The following PLEKHA7 variants were observed in gnomAD, a reference collection of about 807,000 sequenced individuals.
The protein encoded by PLEKHA7 is pleckstrin homology domain-containing family A member 7.
PLEKHA7 carries 104 observed loss-of-function variants against 170.0 expected under a neutral mutation model. That is an observed-to-expected ratio of 0.61 (90% CI 0.52 to 0.72). The LOEUF is 0.72. PLEKHA7 is among the 30% of genes least tolerant of loss of function. The pLI is 0.00. For missense variants in PLEKHA7, 1,615 were observed against 1,671.7 expected, an observed-to-expected ratio of 0.97 and a Z score of 0.59; for synonymous variants, 648 against 660.8, an observed-to-expected ratio of 0.98 and a Z score of 0.30.
At position 16,968,184 on chromosome 11, in the gene PLEKHA7, C is replaced by T. The variant is rs116444193; in HGVS notation, c.221+45805G>A. Among the ~76,000 whole-genome samples the T allele has an allele frequency of 5.5e-3, 831 of 152,272 alleles. 14 individuals are homozygous for T. The highest frequency in any genetic ancestry group is 0.019 in the African/African-American group (770 of 41,558). ...CCAAGATCCTGAGGGGTTTGGCAAA[C>T]GTACCTTGAAGTGAGGAGGCCTCAC... On this transcript the variant is annotated intron_variant, in intron 3 of 26. Transcript: ENST00000531066.
intron 10 of PLEKHA7, among the ~76,000 whole-genome samples, chr11:16,822,877 C>T (rs1445389443): frequency 6.6e-6 from 1 of 152,192 alleles, no homozygotes; most frequent in East Asian, 1.9e-4. Flanking sequence ...GGGACCAAGG[C>T]CTCACCAAAT....
At chr11:16,944,264 G>C (rs1338220864) in intron 3 of PLEKHA7, among the ~76,000 whole-genome samples, 1 of 152,094 alleles carries the variant, frequency 6.6e-6, no homozygotes, top group African/African-American at 2.4e-5. Context: ...TGAGGCAGGA[G>C]AATTGCTTGA....
At position 16,944,369 on chromosome 11, in the gene PLEKHA7, G is replaced by A. The variant is rs953651616; in HGVS notation, c.221+69620C>T. On this transcript the variant is annotated intron_variant, in intron 3 of 26. Transcript: ENST00000531066. Reference sequence around the variant, plus strand: ...AACTCCGTCTCCCAAAAAATAAGCCGGGCGCGGTGGCACAGACCTGTAATC... The same window carrying A: ...AACTCCGTCTCCCAAAAAATAAGCCAGGCGCGGTGGCACAGACCTGTAATC... 6.6e-5 allele frequency among the ~76,000 whole-genome samples: 10 copies of A among 150,420 alleles called. 1 individual carries two copies. The highest frequency in any genetic ancestry group is 2.7e-4 in the Admixed American group (4 of 15,052).
At chr11:17,007,070 C>T (rs1865043637) in intron 3 of PLEKHA7, among the ~76,000 whole-genome samples, 1 of 152,220 alleles carries the variant, frequency 6.6e-6, no homozygotes, top group Admixed American at 6.5e-5. Context: ...ACTGCCCACT[C>T]CCAGCCTCCT....
At chr11:16,986,011 A>C (rs1020032291) in intron 3 of PLEKHA7, among the ~76,000 whole-genome samples, 2 of 152,228 alleles carry the variant, frequency 1.3e-5, no homozygotes, top group Non-Finnish European at 2.9e-5. Flanking sequence ...CTGAGTCTTA[A>C]AGGATGCATA....
chr11:16,849,183 G>C (rs1852712610), intron 8 of PLEKHA7, among the ~76,000 whole-genome samples: 1 of 152,138 alleles, frequency 6.6e-6, no homozygotes, highest in Non-Finnish European at 1.5e-5. Context: ...TCTTAGTAAA[G>C]TCTTTCCAAG....
At chr11:16,955,764 T>C (rs187236212) in intron 3 of PLEKHA7, among the ~76,000 whole-genome samples, 102 of 152,244 alleles carry the variant, frequency 6.7e-4, no homozygotes, top group African/African-American at 2.4e-3. Flanking sequence ...AAAATGGGAT[T>C]TTAAGTTCAG....
At chr11:16,783,586 A>G (rs1026940501) in intron 25 of PLEKHA7, 114 bp downstream of exon 25, 4 of 1,185,582 alleles carry the variant, frequency 3.4e-6, no homozygotes, top group Non-Finnish European at 4.4e-6. Context: ...GGCTTACCTG[A>G]GACGAAGACC....
intron 3 of PLEKHA7, among the ~76,000 whole-genome samples, chr11:16,896,636 C>T (rs61882038): frequency 0.13 from 19,915 of 152,170 alleles, 1,380 homozygotes; most frequent in Admixed American, 0.17. Flanking sequence ...TCTCTTTCTA[C>T]GATCCTCCAG....
intron 3 of PLEKHA7, among the ~76,000 whole-genome samples, chr11:16,906,969 C>T (rs1447605330): frequency 2.0e-5 from 3 of 149,610 alleles, no homozygotes; most frequent in Non-Finnish European, 4.4e-5. Flanking sequence ...CGTCTCTGCC[C>T]GGCCGCCCTG....
At chr11:16,803,642 C>T in intron 13 of PLEKHA7, 1 of 294,726 alleles carries the variant, frequency 3.4e-6, no homozygotes, top group South Asian at 3.3e-5. Context: ...ACCGATAAGA[C>T]AGAGGTGTAC....
chr11:16,858,062 T>C (rs12794277), intron 4 of PLEKHA7, among the ~76,000 whole-genome samples: 6,979 of 152,266 alleles, frequency 0.046, 211 homozygotes, highest in Non-Finnish European at 0.071. Context: ...ACTTAAGACA[T>C]TTTAGGCTTA....
intron 4 of PLEKHA7, among the ~76,000 whole-genome samples, chr11:16,865,264 C>T (rs1359946220): frequency 1.3e-5 from 2 of 152,230 alleles, no homozygotes; most frequent in Non-Finnish European, 2.9e-5. Context: ...TTTATTAATA[C>T]AGCCTGAGCT....
chr11:17,007,212 C>A (rs1291272083), intron 3 of PLEKHA7, among the ~76,000 whole-genome samples: 3 of 152,116 alleles, frequency 2.0e-5, no homozygotes, highest in Admixed American at 2.0e-4. Context: ...GAGGTAAATG[C>A]ACTGATATTC....
At chr11:16,847,161 A>G (rs1852501579) in intron 8 of PLEKHA7, among the ~76,000 whole-genome samples, 2 of 131,632 alleles carry the variant, frequency 1.5e-5, no homozygotes, top group Non-Finnish European at 3.0e-5. Flanking sequence ...CAGTGGCACG[A>G]TCTCAGCTCA....
chr11:16,918,596 T>C (rs961197562), intron 3 of PLEKHA7, among the ~76,000 whole-genome samples: 2 of 152,218 alleles, frequency 1.3e-5, no homozygotes, highest in African/African-American at 2.4e-5. Context: ...AGGTTTTCAC[T>C]AAGGGTTGGC....
intron 3 of PLEKHA7, among the ~76,000 whole-genome samples, chr11:16,988,593 CCCA>C (rs1487267346): frequency 6.6e-6 from 1 of 152,146 alleles, no homozygotes; most frequent in Non-Finnish European, 1.5e-5. Flanking sequence ...ATTACAGGCA[CCCA>C]CCACCATGCC....
rs541220816 is a variant in PLEKHA7, at chr11:16,813,761, T to C, written c.1954-595A>G. ...GCTCACCATGGAGCCAATGTAGCCATGTCAGGAGCTACCTGAGGCAGGTGC... is the reference window on the plus strand; with the variant it reads ...GCTCACCATGGAGCCAATGTAGCCACGTCAGGAGCTACCTGAGGCAGGTGC... On this transcript the variant is annotated intron_variant, in intron 12 of 26. Transcript: ENST00000531066. Among the ~76,000 whole-genome samples, 8 of 152,350 alleles carry C rather than the reference T, an allele frequency of 5.3e-5. No homozygotes were observed. In the South Asian group the frequency reaches 1.7e-3, roughly 32 times the overall value.
chr11:16,924,085 C>A (rs1859303504), intron 3 of PLEKHA7, among the ~76,000 whole-genome samples: 1 of 152,060 alleles, frequency 6.6e-6, no homozygotes, highest in African/African-American at 2.4e-5. Context: ...AAGGCTGGGC[C>A]CTTCCACTCC....
Sources: allele counts gnomAD v4.1 joint callset (sites outside exome capture counted in the v4.1 genomes callset), GRCh38; gene constraint gnomAD v4.1.1; transcripts MANE v1.5; gene names NCBI Gene and HGNC (gene_info 2026-07-23, HGNC 2026-07-21).